Variants in MMP26 observed in about 807,000 individuals in gnomAD.
MMP26 encodes matrix metallopeptidase 26.
Under a neutral mutation model 31.0 loss-of-function variants are expected in MMP26, and 33 were observed. The ratio of observed to expected loss-of-function variants is 1.06; its 90% CI spans 0.81 to 1.42. The LOEUF (loss-of-function observed/expected upper bound fraction) is 1.42, where lower values mean the gene tolerates loss of function less well. Ranked by LOEUF, MMP26 falls within the 40% of genes most tolerant of loss-of-function variation. MMP26 has a pLI of 0.00. For synonymous variants in MMP26, 122 were observed against 114.9 expected (o/e 1.06, Z -0.40); for missense variants, 347 against 316.1 (o/e 1.10, Z -0.74).
At chr11:4,930,714 G>A (rs1851335069) in intron 2 of MMP26, among the ~76,000 whole-genome samples, 1 of 151,992 alleles carries the variant, frequency 6.6e-6, no homozygotes, top group African/African-American at 2.4e-5. Flanking sequence ...CTCAAGGCTT[G>A]TTTACTATAC....
At chr11:4,940,890 G>C (rs1274470802) in intron 2 of MMP26, among the ~76,000 whole-genome samples, 1 of 152,106 alleles carries the variant, frequency 6.6e-6, no homozygotes, top group African/African-American at 2.4e-5. Context: ...AGTTCCAAAA[G>C]AGATCAGATC....
At chr11:4,897,556 T>C (rs1415647606) in intron 2 of MMP26, among the ~76,000 whole-genome samples, 1 of 152,240 alleles carries the variant, frequency 6.6e-6, no homozygotes, top group African/African-American at 2.4e-5. Context: ...TTTTCTTTTC[T>C]TTGTTATAGC....
intron 2 of MMP26, among the ~76,000 whole-genome samples, chr11:4,791,663 AGT>A (rs145708298): frequency 0.019 from 2,953 of 152,260 alleles, 51 homozygotes; most frequent in South Asian, 0.07. Context: ...GGTTCTTAAG[AGT>A]GTAGAGTTCT....
intron 2 of MMP26, chr11:4,848,892 AG>A (rs773061814): frequency 2.0e-5 from 33 of 1,614,040 alleles, no homozygotes; most frequent in Non-Finnish European, 2.5e-5. Flanking sequence ...CATCTGTAGA[AG>A]GCAGGCTGAG....
rs1846341049 is a variant in MMP26 at position 4,948,472 on chromosome 11, A to G, written c.-144-39596A>G. On this transcript the variant is annotated intron_variant, in intron 2 of 7. Coordinates refer to ENST00000380390, the MANE Select transcript of MMP26 (RefSeq NM_021801.5). The stretch of plus-strand genomic sequence containing the variant: ...TGTTATATTACTGATAATTAAGTAT[A>G]TAGCACGCTATCAGGTTTGCCAAGC... Among the ~76,000 whole-genome samples, 2 of 124,344 alleles carry G rather than the reference A, an allele frequency of 1.6e-5. 1 individual carries two copies. Among genetic ancestry groups the G allele is most frequent in the Non-Finnish European group, 3.6e-5 (2 of 54,824 alleles). 81.6% of individuals were successfully genotyped at this position (124,344 alleles called of 152,430 possible).
At chr11:4,819,563 CTGAT>C (rs1220109732) in intron 2 of MMP26, among the ~76,000 whole-genome samples, 37 of 108,574 alleles carry the variant, frequency 3.4e-4, no homozygotes, top group African/African-American at 1.3e-3. Context: ...AATGAGTCGA[CTGAT>C]TTTTTTTTTT....
intron 2 of MMP26, among the ~76,000 whole-genome samples, chr11:4,977,360 G>A (rs1846752029): frequency 6.6e-6 from 1 of 152,126 alleles, no homozygotes; most frequent in Non-Finnish European, 1.5e-5. Context: ...GGGCTAAAAT[G>A]ATCCCACTTC....
intron 2 of MMP26, chr11:4,882,137 C>T: frequency 6.2e-7 from 1 of 1,613,942 alleles, no homozygotes; most frequent in African/African-American, 1.3e-5. Flanking sequence ...CATTACGACC[C>T]TTCCCACTGT....
intron 1 of MMP26, among the ~76,000 whole-genome samples, chr11:4,753,564 T>C (rs1848472727): frequency 6.6e-6 from 1 of 152,124 alleles, no homozygotes; most frequent in Non-Finnish European, 1.5e-5. Flanking sequence ...ATTTGTCACT[T>C]GATTTTCCTT....
intron 1 of MMP26, chr11:4,709,548 A>G: frequency 2.4e-6 from 1 of 417,102 alleles, no homozygotes; most frequent in Non-Finnish European, 4.8e-6. Context: ...TTCCTCAAAG[A>G]CATCTGCTTC....
At chr11:4,944,121 AG>A (rs1302389757) in intron 2 of MMP26, 2 of 455,662 alleles carry the variant, frequency 4.4e-6, no homozygotes, top group African/African-American at 4.0e-5. Context: ...GTTTTGGAAA[AG>A]GTAGATAGAT....
chr11:4,732,511 C>T (rs142252666), intron 1 of MMP26, among the ~76,000 whole-genome samples: 305 of 149,148 alleles, frequency 2.0e-3, no homozygotes, highest in Non-Finnish European at 3.2e-3. Flanking sequence ...GTTACTTGTT[C>T]CAGCCTGGGC....
At chr11:4,735,284 G>A (rs1274201956) in intron 1 of MMP26, among the ~76,000 whole-genome samples, 1 of 152,142 alleles carries the variant, frequency 6.6e-6, no homozygotes, top group African/African-American at 2.4e-5. Flanking sequence ...AATTTCCAGA[G>A]AATTTAAATG....
intron 2 of MMP26, among the ~76,000 whole-genome samples, chr11:4,835,400 C>T: frequency 6.7e-6 from 1 of 150,008 alleles, no homozygotes; most frequent in African/African-American, 2.5e-5. Context: ...ACTTTCTCCC[C>T]TCTGTGTGCT....
intron 2 of MMP26, among the ~76,000 whole-genome samples, chr11:4,861,806 T>C (rs1005437957): frequency 4.6e-5 from 7 of 152,128 alleles, no homozygotes; most frequent in Non-Finnish European, 1.0e-4. Context: ...GCAGTTAGAA[T>C]AGACTTTTTT....
intron 1 of MMP26, among the ~76,000 whole-genome samples, chr11:4,718,092 G>C (rs981547070): frequency 2.6e-5 from 4 of 152,168 alleles, no homozygotes; most frequent in African/African-American, 7.2e-5. Context: ...TCACACTGCA[G>C]ATAGTAGGGG....
intron 2 of MMP26, among the ~76,000 whole-genome samples, chr11:4,807,037 C>G (rs111683499): frequency 0.025 from 3,781 of 152,114 alleles, 78 homozygotes; most frequent in Admixed American, 0.037. Flanking sequence ...CTGGCCAAAT[C>G]CCGGAACTTA....
chr11:4,763,273 A>G (rs559775414), intron 1 of MMP26, among the ~76,000 whole-genome samples: 7 of 152,316 alleles, frequency 4.6e-5, no homozygotes, highest in Non-Finnish European at 7.4e-5. Context: ...ACACTGACCA[A>G]TCAGGCTTGG....
chr11:4,717,312 C>T (rs1424965447), intron 1 of MMP26, among the ~76,000 whole-genome samples: 2 of 152,232 alleles, frequency 1.3e-5, no homozygotes, highest in East Asian at 3.9e-4. Flanking sequence ...GGCTTGCACT[C>T]AGTAATGTTT....
Sources: gnomAD v4.1 joint callset for allele counts (sites outside exome capture counted in the v4.1 genomes callset) on GRCh38, gnomAD v4.1.1 for gene constraint, MANE v1.5 for transcripts, NCBI Gene and HGNC (gene_info 2026-07-23, HGNC 2026-07-21) for gene names.